RALYL: variants seen among roughly 807,000 people sequenced by gnomAD.
RALYL encodes the protein RALY RNA binding protein like.
A neutral mutation model predicts 35.1 loss-of-function variants in RALYL; 29 were observed. The observed-to-expected ratio is 0.83, with a 90% confidence interval of 0.61 to 1.13. RALYL has a LOEUF of 1.13. Ranked by LOEUF, RALYL falls within the 50% of genes most tolerant of loss-of-function variation. RALYL has a pLI of 0.00. For missense variants in RALYL, 359 were observed against 360.4 expected (o/e 1.00, Z 0.03); for synonymous variants, 120 against 127.6 (o/e 0.94, Z 0.40).
intron 4 of RALYL, among the ~76,000 whole-genome samples, chr8:84,847,461 T>C (rs951686194): frequency 3.3e-5 from 5 of 152,134 alleles, no homozygotes; most frequent in African/African-American, 1.2e-4. Context: ...TTTAAGTATG[T>C]AGGTTTAGTC....
chr8:84,728,774 A>C (rs6993091), intron 2 of RALYL, among the ~76,000 whole-genome samples: 50,123 of 151,806 alleles, frequency 0.33, 9,849 homozygotes, highest in African/African-American at 0.55. Context: ...TGTCAAAGAT[A>C]AGATAATTGT....
At chr8:84,910,152 A>T (rs60004976) in intron 8 of RALYL, among the ~76,000 whole-genome samples, 2,077 of 152,238 alleles carry the variant, frequency 0.014, 47 homozygotes, top group African/African-American at 0.047. Flanking sequence ...ATCAAGAGAA[A>T]AACATTTTTC....
chr8:84,516,290 A>G (rs558705573), intron 1 of RALYL, among the ~76,000 whole-genome samples: 7 of 151,982 alleles, frequency 4.6e-5, no homozygotes, highest in African/African-American at 1.7e-4. Flanking sequence ...GCACTTAATA[A>G]GAAAAATAAT....
chr8:84,356,202 A>G (rs1348002593), intron 1 of RALYL, among the ~76,000 whole-genome samples: 2 of 150,394 alleles, frequency 1.3e-5, no homozygotes, highest in Non-Finnish European at 3.0e-5. Flanking sequence ...TAAATTACCC[A>G]GTCTTGGGTG....
At chr8:84,424,881 C>A (rs540224766) in intron 1 of RALYL, among the ~76,000 whole-genome samples, 1 of 151,716 alleles carries the variant, frequency 6.6e-6, no homozygotes, top group African/African-American at 2.4e-5. Flanking sequence ...GGGTCAGGGA[C>A]CCACTTGAGG....
chr8:84,470,068 C>T (rs1175145127), intron 1 of RALYL, among the ~76,000 whole-genome samples: 1 of 152,192 alleles, frequency 6.6e-6, no homozygotes, highest in Non-Finnish European at 1.5e-5. Context: ...GCACCCGGTA[C>T]CTCAGATGGA....
At chr8:84,328,006 C>A (rs1328892033) in intron 1 of RALYL, among the ~76,000 whole-genome samples, 6 of 152,156 alleles carry the variant, frequency 3.9e-5, no homozygotes. Context: ...GAAAGGAGGA[C>A]CACACTTTCA....
At chr8:84,358,794 G>A (rs1852368525) in intron 1 of RALYL, among the ~76,000 whole-genome samples, 1 of 152,012 alleles carries the variant, frequency 6.6e-6, no homozygotes, top group Admixed American at 6.6e-5. Context: ...TAATGTCTTA[G>A]ATGTGGATAA....
intron 2 of RALYL, among the ~76,000 whole-genome samples, chr8:84,539,968 G>T (rs541919662): frequency 6.8e-6 from 1 of 147,338 alleles, no homozygotes; most frequent in African/African-American, 2.5e-5. Context: ...GTAATTAAAC[G>T]TATGCTGCAA....
intron 4 of RALYL, among the ~76,000 whole-genome samples, chr8:84,840,281 G>A (rs1462648313): frequency 6.6e-6 from 1 of 152,202 alleles, no homozygotes; most frequent in Non-Finnish European, 1.5e-5. Flanking sequence ...TAAAGGACCT[G>A]ATGGAGCTGA....
chr8:84,756,301 T>C (rs1017304328), intron 2 of RALYL, among the ~76,000 whole-genome samples: 1 of 152,116 alleles, frequency 6.6e-6, no homozygotes, highest in South Asian at 2.1e-4. Flanking sequence ...TAAGCAGATA[T>C]AAATTTCTTC....
At chr8:84,823,531 C>T (rs137970339) in intron 4 of RALYL, among the ~76,000 whole-genome samples, 25 of 152,134 alleles carry the variant, frequency 1.6e-4, no homozygotes, top group African/African-American at 5.5e-4. Flanking sequence ...CACTGGATGA[C>T]GTGCCTGGAA....
rs542624406 is a variant in RALYL at position 84,279,056 on chromosome 8, C to T, written c.-24+94632C>T. Among the ~76,000 whole-genome samples, 37 of 152,274 alleles carry T rather than the reference C, an allele frequency of 2.4e-4. 2 individuals carry two copies. Among genetic ancestry groups the T allele is most frequent in the Non-Finnish European group, 1.3e-4 (9 of 68,036 alleles). ...AAAGGAAAGAGGTTTAATGGACTCA[C>T]AGTCCCACATGGCTGGGGATGGTGG... On this transcript the variant is annotated intron_variant, in intron 1 of 8. Transcript: ENST00000521268.
At chr8:84,539,833 CAT>C (rs768941805) in intron 2 of RALYL, among the ~76,000 whole-genome samples, 6,160 of 23,092 alleles carry the variant, frequency 0.27, 212 homozygotes, top group Non-Finnish European at 0.33. Flanking sequence ...ATCAAGTATA[CAT>C]ATATATATAT....
At chr8:84,899,705 T>C (rs1049134188) in intron 8 of RALYL, among the ~76,000 whole-genome samples, 2 of 152,168 alleles carry the variant, frequency 1.3e-5, no homozygotes, top group Non-Finnish European at 2.9e-5. Flanking sequence ...CACAGCAGTA[T>C]TGACTCTATC....
chr8:84,370,029 A>G (rs1855364084), intron 1 of RALYL, among the ~76,000 whole-genome samples: 1 of 151,956 alleles, frequency 6.6e-6, no homozygotes, highest in Admixed American at 6.6e-5. Context: ...TCAATTTCAA[A>G]TGTTATTAAC....
chr8:84,642,284 G>A (rs924633693), intron 2 of RALYL, among the ~76,000 whole-genome samples: 2 of 151,958 alleles, frequency 1.3e-5, no homozygotes, highest in Admixed American at 1.3e-4. Context: ...AACTTTGTTT[G>A]CCCTGATAGG....
At chr8:84,513,973 T>A (rs2057835464) in intron 1 of RALYL, among the ~76,000 whole-genome samples, 1 of 150,212 alleles carries the variant, frequency 6.7e-6, no homozygotes, top group African/African-American at 2.4e-5. Flanking sequence ...TGTGTGCCTG[T>A]AATTGCAGCT....
At chr8:84,283,786 A>G (rs1225434408) in intron 1 of RALYL, among the ~76,000 whole-genome samples, 1 of 152,142 alleles carries the variant, frequency 6.6e-6, no homozygotes, top group Non-Finnish European at 1.5e-5. Context: ...CAGGGTGGGA[A>G]GGTAGCATAT....
Sources: gnomAD v4.1 joint callset for allele counts (sites outside exome capture counted in the v4.1 genomes callset) on GRCh38, gnomAD v4.1.1 for gene constraint, MANE v1.5 for transcripts, NCBI Gene and HGNC (gene_info 2026-07-23, HGNC 2026-07-21) for gene names.